Variants in CHAT observed in about 807,000 individuals in gnomAD.
CHAT encodes choline O-acetyltransferase.
In CHAT, 61 loss-of-function variants were observed where a neutral mutation model predicts 76.9. That is an observed-to-expected ratio of 0.79 (90% CI 0.65 to 0.98). The LOEUF (loss-of-function observed/expected upper bound fraction) is 0.98. Among genes scored for constraint, CHAT ranks in the 50% least tolerant of loss-of-function variants. CHAT has a pLI of 0.00. For missense variants in CHAT, 946 were observed against 986.9 expected (o/e 0.96, Z 0.56); for synonymous variants, 407 against 397.4 (o/e 1.02, Z -0.29).
chr10:49,622,092 T>C lies in CHAT; in HGVS notation c.699-5T>C, dbSNP rs1321871575. 1.7e-5 allele frequency: 19 copies of C among 1,151,258 alleles called. No homozygotes were observed. Among genetic ancestry groups the C allele is most frequent in the Non-Finnish European group, 2.1e-5 (19 of 925,364 alleles). The allele number at this position is 1,151,258 out of a possible 1,614,324, so 71.3% of individuals were successfully genotyped here. ...GAAGGGCTCAGGCCTCCCTTCTCCC[T>C]GCAGGTTTGCAGCCAGCCTCATCTC... On this transcript the variant is annotated splice_region_variant and splice_polypyrimidine_tract_variant and intron_variant, in intron 4 of 14. Transcript: ENST00000337653.
intron 13 of CHAT, among the ~76,000 whole-genome samples, chr10:49,661,807 G>T (rs990903160): frequency 3.9e-5 from 6 of 152,116 alleles, no homozygotes; most frequent in Admixed American, 6.5e-5. Context: ...AGCCTCAAGT[G>T]GGGGAGCTGT....
intron 7 of CHAT, among the ~76,000 whole-genome samples, chr10:49,630,987 G>A (rs752959109): frequency 6.6e-6 from 1 of 152,198 alleles, no homozygotes; most frequent in Non-Finnish European, 1.5e-5. Context: ...GGACTGTGTT[G>A]AGCTCATATA....
chr10:49,653,763 C>T (rs1265253826), intron 11 of CHAT, among the ~76,000 whole-genome samples: 1 of 152,226 alleles, frequency 6.6e-6, no homozygotes, highest in Admixed American at 6.5e-5. Flanking sequence ...GGCATGGGGC[C>T]GAGATAGGCC....
chr10:49,649,434 C>T, intron 9 of CHAT, 74 bp from the exon 10 acceptor site: 1 of 1,606,908 alleles, frequency 6.2e-7, no homozygotes, highest in South Asian at 1.1e-5. Context: ...AAGATGATTG[C>T]ACAGAGCAAA....
Position 49,649,565 on chromosome 10 carries a change from C to T in CHAT, c.1440C>T (p.Pro480=). ...ACTCCGTCAGCGAGCTCCCCGCCCC[C>T]CGGAGGCTGCGGTGGAAATGCTCCC... ...RADSVSELPA[P]RRLRWKCSPE... The change falls in exon 10 of 15, where the codon CCC becomes CCT. Residue 480 remains proline (P), a synonymous_variant. Transcript: ENST00000337653. 2.5e-6 allele frequency: 4 copies of T among 1,613,916 alleles called. No individual in the cohort carries two copies. Among genetic ancestry groups the T allele is most frequent in the Non-Finnish European group, 3.4e-6 (4 of 1,180,038 alleles).
chr10:49,635,010 T>C (rs368317350), intron 7 of CHAT, among the ~76,000 whole-genome samples: 1 of 152,224 alleles, frequency 6.6e-6, no homozygotes, highest in East Asian at 1.9e-4. Context: ...ACCAGGATAC[T>C]GACATTGATA....
upstream of CHAT, among the ~76,000 whole-genome samples, chr10:49,610,016 C>A (rs1838246559): frequency 1.3e-5 from 2 of 151,740 alleles, no homozygotes; most frequent in African/African-American, 2.4e-5. Context: ...GTCCTAGAAC[C>A]GCGGGCGGGG....
At chr10:49,629,239 C>T (rs562166248) in intron 7 of CHAT, among the ~76,000 whole-genome samples, 2 of 152,378 alleles carry the variant, frequency 1.3e-5, no homozygotes, top group East Asian at 1.9e-4. Flanking sequence ...GGCCCAGTTA[C>T]ATTTATTAAA....
At chr10:49,609,655 C>G (rs537993218), upstream of CHAT, among the ~76,000 whole-genome samples, 66 of 152,076 alleles carry the variant, frequency 4.3e-4, no homozygotes, top group African/African-American at 1.5e-3. Flanking sequence ...GATTCGCGGC[C>G]GAGAAATTCT....
chr10:49,664,505 G>T (rs145489567), intron 14 of CHAT, among the ~76,000 whole-genome samples: 2 of 152,304 alleles, frequency 1.3e-5, no homozygotes, highest in African/African-American at 4.8e-5. Context: ...CTCAGCCCAA[G>T]ACCTAGCACC....
At chr10:49,647,302 G>C (rs1321489964) in intron 8 of CHAT, 1 of 156,004 alleles carries the variant, frequency 6.4e-6, no homozygotes, top group African/African-American at 2.4e-5. Flanking sequence ...CATGCAGACG[G>C]GATGAAGTCA....
At chr10:49,626,342 T>C (rs556196821) in intron 6 of CHAT, among the ~76,000 whole-genome samples, 1 of 152,360 alleles carries the variant, frequency 6.6e-6, no homozygotes, top group Non-Finnish European at 1.5e-5. Context: ...ATTCCATATA[T>C]TGAGCTTCAC....
chr10:49,630,020 G>C (rs1221513194), intron 7 of CHAT, among the ~76,000 whole-genome samples: 1 of 152,124 alleles, frequency 6.6e-6, no homozygotes, highest in Non-Finnish European at 1.5e-5. Flanking sequence ...GTGCCATTTA[G>C]TAAGATGGGA....
At chr10:49,644,699 A>G (rs1839602597) in intron 7 of CHAT, among the ~76,000 whole-genome samples, 1 of 152,212 alleles carries the variant, frequency 6.6e-6, no homozygotes, top group Non-Finnish European at 1.5e-5. Flanking sequence ...CTCCTTCCCC[A>G]GGATTTGCAA....
intron 9 of CHAT, among the ~76,000 whole-genome samples, chr10:49,649,061 A>G (rs574590668): frequency 6.6e-6 from 1 of 152,192 alleles, no homozygotes; most frequent in Non-Finnish European, 1.5e-5. Context: ...TCCTTCCTCT[A>G]TTCCCAATTT....
chr10:49,621,842 G>A (rs929924447), intron 4 of CHAT, among the ~76,000 whole-genome samples: 15 of 151,976 alleles, frequency 9.9e-5, no homozygotes, highest in East Asian at 1.9e-4. Context: ...GTGGGCTCTC[G>A]GCATGGGGCT....
intron 7 of CHAT, among the ~76,000 whole-genome samples, chr10:49,641,707 C>G (rs1426385513): frequency 6.6e-6 from 1 of 152,098 alleles, no homozygotes; most frequent in African/African-American, 2.4e-5. Flanking sequence ...AAGGTCTAAG[C>G]CCCTGAGAAA....
At position 49,621,120 on chromosome 10, in the gene CHAT, G is replaced by A. The variant is rs776285605; in HGVS notation, c.698+507G>A. 3.3e-4 allele frequency among the ~76,000 whole-genome samples: 51 copies of A among 152,248 alleles called. 1 individual carries two copies. Among genetic ancestry groups the A allele is most frequent in the Admixed American group, 2.6e-4 (4 of 15,288 alleles). On this transcript the variant is annotated intron_variant, in intron 4 of 14. Coordinates refer to ENST00000337653, the MANE Select transcript of CHAT (RefSeq NM_020549.5). ...TGAGCCGTTGGAAGGGCCTCTGGCCGCTAATGACAATGGAGGATGGGTGCA... is the reference window on the plus strand; with the variant it reads ...TGAGCCGTTGGAAGGGCCTCTGGCCACTAATGACAATGGAGGATGGGTGCA...
intron 7 of CHAT, among the ~76,000 whole-genome samples, chr10:49,629,538 G>A (rs972201791): frequency 1.3e-5 from 2 of 152,180 alleles, no homozygotes; most frequent in Non-Finnish European, 2.9e-5. Flanking sequence ...CAAAATAATC[G>A]CCTCTGCCTC....
Sources: allele counts gnomAD v4.1 joint callset (sites outside exome capture counted in the v4.1 genomes callset), GRCh38; gene constraint gnomAD v4.1.1; transcripts MANE v1.5; gene names NCBI Gene and HGNC (gene_info 2026-07-23, HGNC 2026-07-21).